The following EYS variants were observed in gnomAD, a reference collection of about 807,000 sequenced individuals.
EYS encodes the protein EGF-like photoreceptor maintenance factor, also known as protein eyes shut homolog.
In EYS, 250 loss-of-function variants were observed where a neutral mutation model predicts 282.1. The observed-to-expected ratio is 0.89, with a 90% CI of 0.80 to 0.98. The LOEUF (loss-of-function observed/expected upper bound fraction) is 0.98, where lower values mean the gene tolerates loss of function less well. Among genes scored for constraint, EYS ranks in the 50% least tolerant of loss-of-function variants. The pLI is 0.00. For missense variants in EYS, 4,016 were observed against 3,709.0 expected (o/e 1.08, Z -2.15); for synonymous variants, 1,355 against 1,282.9 (o/e 1.06, Z -1.20).
chr6:65,363,459 G>C (rs1304920067), intron 8 of EYS, among the ~76,000 whole-genome samples: 1 of 151,626 alleles, frequency 6.6e-6, no homozygotes. Flanking sequence ...AATCATTTCA[G>C]AAGAAAAATA....
chr6:64,714,682 C>T (rs1388492966), intron 22 of EYS, among the ~76,000 whole-genome samples: 3 of 152,054 alleles, frequency 2.0e-5, no homozygotes, highest in East Asian at 3.9e-4. Context: ...CCTGCCACCA[C>T]GCCCAGCTAA....
At position 64,546,978 on chromosome 6, in the gene EYS, C is replaced by T. The variant is rs188783310; in HGVS notation, c.5644+43245G>A. Among the ~76,000 whole-genome samples the T allele has an allele frequency of 2.2e-3, 331 of 152,248 alleles. 1 individual carries two copies. Among genetic ancestry groups the T allele is most frequent in the African/African-American group, 7.4e-3 (308 of 41,540 alleles). On this transcript the variant is annotated intron_variant, in intron 26 of 42. Coordinates refer to ENST00000503581, the MANE Select transcript of EYS (RefSeq NM_001142800.2). ...CTCACTGACTTCAAGAATGAAGCCA[C>T]GGAACCTCGCGGTGAGTGTTACAGT...
At chr6:64,484,432 G>T (rs1164649181) in intron 26 of EYS, among the ~76,000 whole-genome samples, 1 of 151,500 alleles carries the variant, frequency 6.6e-6, no homozygotes, top group Non-Finnish European at 1.5e-5. Context: ...CACAATCATG[G>T]GCTTGCAAGT....
chr6:64,043,506 A>G (rs1770484593), intron 33 of EYS, among the ~76,000 whole-genome samples: 1 of 152,236 alleles, frequency 6.6e-6, no homozygotes, highest in Non-Finnish European at 1.5e-5. Flanking sequence ...CACATGCACC[A>G]TGTTGGAGCC....
chr6:65,451,911 C>G (rs542151716), intron 5 of EYS, among the ~76,000 whole-genome samples: 2 of 151,700 alleles, frequency 1.3e-5, no homozygotes, highest in East Asian at 3.9e-4. Flanking sequence ...GTTATTTGAA[C>G]AATTCATTTA....
chr6:65,286,735 C>T (rs1768378222), intron 12 of EYS, among the ~76,000 whole-genome samples: 1 of 151,506 alleles, frequency 6.6e-6, no homozygotes, highest in African/African-American at 2.4e-5. Context: ...CTTAGTTATG[C>T]TGTGTAAATT....
intron 26 of EYS, among the ~76,000 whole-genome samples, chr6:64,500,193 A>G (rs1197650905): frequency 6.6e-6 from 1 of 152,134 alleles, no homozygotes; most frequent in Non-Finnish European, 1.5e-5. Flanking sequence ...TTTTTTAAAA[A>G]TCTTTTCAGG....
chr6:65,106,703 T>G (rs535348726), intron 12 of EYS, among the ~76,000 whole-genome samples: 1 of 152,208 alleles, frequency 6.6e-6, no homozygotes, highest in East Asian at 1.9e-4. Flanking sequence ...ACTTCAGACA[T>G]TTTATGTTCA....
At chr6:64,391,260 A>C (rs565365059) in intron 28 of EYS, among the ~76,000 whole-genome samples, 1 of 151,874 alleles carries the variant, frequency 6.6e-6, no homozygotes, top group South Asian at 2.1e-4. Context: ...ATTCAGATTC[A>C]GGAAATACAG....
intron 29 of EYS, among the ~76,000 whole-genome samples, chr6:64,352,274 T>C (rs1339777080): frequency 6.6e-6 from 1 of 151,600 alleles, no homozygotes; most frequent in Non-Finnish European, 1.5e-5. Flanking sequence ...TCTATTATTT[T>C]GGTTGGTCTT....
intron 31 of EYS, among the ~76,000 whole-genome samples, chr6:64,167,025 C>T (rs1465929902): frequency 2.6e-5 from 4 of 152,134 alleles, no homozygotes; most frequent in African/African-American, 9.7e-5. Context: ...GTTATTTAAT[C>T]AGTTTCTAAA....
chr6:65,685,902 T>C (rs949090145), intron 1 of EYS, among the ~76,000 whole-genome samples: 3 of 152,152 alleles, frequency 2.0e-5, no homozygotes, highest in Admixed American at 2.0e-4. Context: ...ATAAAATATA[T>C]TTGATCACTG....
chr6:63,911,136 G>A lies in EYS; in HGVS notation c.7056-46778C>T, dbSNP rs377060508. On this transcript the variant is annotated intron_variant, in intron 35 of 42. Transcript: ENST00000503581. Reference sequence around the variant, plus strand: ...AGTCATTGGTTAAAAAAAAAAAAAAGCCCCTGATGTAAATGCATTTGCACA... The same window carrying A: ...AGTCATTGGTTAAAAAAAAAAAAAAACCCCTGATGTAAATGCATTTGCACA... Among the ~76,000 whole-genome samples, 58 of 126,736 alleles carry A rather than the reference G, an allele frequency of 4.6e-4. 1 individual carries two copies. In the East Asian group the frequency reaches 8.5e-3, roughly 19 times the overall value. The allele number at this position is 126,736 out of a possible 152,430, so 83.1% of individuals were successfully genotyped here.
At chr6:65,648,314 A>ATATG (rs373479571) in intron 1 of EYS, among the ~76,000 whole-genome samples, 38,648 of 147,836 alleles carry the variant, frequency 0.26, 6,267 homozygotes, top group Middle Eastern at 0.36. Context: ...AAGAAAATAT[A>ATATG]TGTGTGTGTG....
chr6:64,146,455 C>T (rs1186491911), intron 31 of EYS, among the ~76,000 whole-genome samples: 2 of 152,210 alleles, frequency 1.3e-5, no homozygotes, highest in South Asian at 2.1e-4. Flanking sequence ...TGTCCCAAAG[C>T]AGAACCTGAG....
At chr6:65,287,857 A>G (rs1400296266) in intron 12 of EYS, among the ~76,000 whole-genome samples, 1 of 151,226 alleles carries the variant, frequency 6.6e-6, no homozygotes, top group Non-Finnish European at 1.5e-5. Context: ...TCTGTCTCCC[A>G]TAACCTTTTC....
chr6:63,850,798 T>C (rs1202379855), intron 36 of EYS, among the ~76,000 whole-genome samples: 1 of 152,234 alleles, frequency 6.6e-6, no homozygotes, highest in East Asian at 1.9e-4. Context: ...ATCATCATAA[T>C]GACAAGATCA....
chr6:63,909,927 T>C (rs1169530229), intron 35 of EYS, among the ~76,000 whole-genome samples: 3 of 152,078 alleles, frequency 2.0e-5, no homozygotes, highest in Non-Finnish European at 2.9e-5. Flanking sequence ...GATTTGGAAG[T>C]CAAGGTCATG....
At chr6:65,017,105 C>T (rs190620070) in intron 13 of EYS, among the ~76,000 whole-genome samples, 7 of 152,250 alleles carry the variant, frequency 4.6e-5, no homozygotes, top group Admixed American at 4.6e-4. Flanking sequence ...GCTTCCTAGA[C>T]TCTATTTACA....
Sources: allele counts gnomAD v4.1 joint callset (sites outside exome capture counted in the v4.1 genomes callset), GRCh38; gene constraint gnomAD v4.1.1; transcripts MANE v1.5; gene names NCBI Gene and HGNC (gene_info 2026-07-23, HGNC 2026-07-21).